MGAM2: variants seen among roughly 807,000 people sequenced by gnomAD.
The protein encoded by MGAM2 is probable maltase-glucoamylase 2.
MGAM2 carries 98 observed loss-of-function variants against 96.1 expected under a neutral mutation model. The observed-to-expected ratio is 1.02, with a 90% CI of 0.87 to 1.21. MGAM2 has a LOEUF of 1.21. MGAM2 is among the 50% of genes most tolerant of loss of function. MGAM2 has a pLI of 0.00. For missense variants in MGAM2, 2,055 were observed against 1,182.4 expected, an observed-to-expected ratio of 1.74 and a Z score of -10.82; for synonymous variants, 749 against 414.8, an observed-to-expected ratio of 1.81 and a Z score of -9.79.
intron 47 of MGAM2, among the ~76,000 whole-genome samples, chr7:142,219,558 C>A (rs1797858498): frequency 6.6e-6 from 1 of 152,112 alleles, no homozygotes; most frequent in Non-Finnish European, 1.5e-5. Flanking sequence ...GGACTAAAAC[C>A]CAATGGCAAA....
At position 142,173,297 on chromosome 7, in the gene MGAM2, G is replaced by A; in HGVS notation, c.3630G>A (p.Gln1210=). Residue 1210 remains glutamine (Q), a synonymous_variant, in exon 31 of 48, where the codon CAG becomes CAA. Coordinates refer to ENST00000477922, the MANE Select transcript of MGAM2 (RefSeq NM_001293626.2). ...TCCATCTGAGTCGCTATGGATACCA[G>A]AATGATGCTGAAATCTCCAGTTTGT... ...LGFHLSRYGY[Q]NDAEISSLYD... is the part of the protein sequence containing the mutation. The A allele has an allele frequency of 1.4e-6, 1 of 703,044 alleles. No individual in the cohort carries two copies. The highest frequency in any genetic ancestry group is 1.5e-5 in the South Asian group (1 of 67,582). The allele number at this position is 703,044 out of a possible 1,614,324, so 43.6% of individuals were successfully genotyped here. A position where few individuals can be genotyped will look rare whatever the true frequency, so the allele number is the denominator to read the frequency against.
In MGAM2 at chr7:142,154,733, G is replaced by T. The variant is rs1445245743; in HGVS notation, c.1811G>T (p.Gly604Val). The T allele has an allele frequency of 1.4e-6, 1 of 702,976 alleles. No individual in the cohort carries two copies. The highest frequency in any genetic ancestry group is 2.6e-6 in the Non-Finnish European group (1 of 384,994). The allele number at this position is 702,976 out of a possible 1,614,324, so 43.5% of individuals were successfully genotyped here. Residue 604 changes from glycine (G) to valine (V), a missense_variant, in exon 17 of 48, where the codon GGT becomes GTT. Gly to Val is a moderately radical substitution (Grantham distance 109, BLOSUM62 -3). Transcript: ENST00000477922. ...EFNLFGIPMV[G>V]ANICGYNNNV... ...GTATGTGTGCTAATTCTCCAGGTAG[G>T]TGCCAACATCTGTGGTTATAACAAC...
At position 142,220,066 on chromosome 7, in the gene MGAM2, C is replaced by G. The variant is rs1380783269; in HGVS notation, c.5555C>G (p.Thr1852Ser). 2 of 702,934 alleles carry G rather than the reference C, an allele frequency of 2.8e-6. No individual in the cohort carries two copies. Among genetic ancestry groups the G allele is most frequent in the Non-Finnish European group, 5.2e-6 (2 of 384,930 alleles). The allele number at this position is 702,934 out of a possible 1,614,324, so 43.5% of individuals were successfully genotyped here. A position where few individuals can be genotyped will look rare whatever the true frequency, so the allele number is the denominator to read the frequency against. Residue 1852 changes from threonine to serine, a missense_variant, in exon 48 of 48, where the codon ACT becomes AGT. By Grantham distance (58) the Thr-to-Ser change is moderately conservative. Transcript: ENST00000477922. ...ITSSASANTT[T>S]GTTDTVPITT... ...AGTTCTGCCAGTGCAAATACTACCA[C>G]TGGCACTACTGATACTGTTCCTATC...
chr7:142,176,551 A>T (rs190645937), intron 32 of MGAM2, among the ~76,000 whole-genome samples: 1 of 152,314 alleles, frequency 6.6e-6, no homozygotes, highest in Admixed American at 6.5e-5. Flanking sequence ...GGAGACAGCC[A>T]ATAAACATCT....
At chr7:142,209,899 G>C (rs1309662026) in intron 46 of MGAM2, among the ~76,000 whole-genome samples, 3 of 152,174 alleles carry the variant, frequency 2.0e-5, no homozygotes, top group Non-Finnish European at 2.9e-5. Context: ...ATTCAAAAAT[G>C]ATTTGTGGGC....
At position 142,143,763 on chromosome 7, in the gene MGAM2, T is replaced by A. The variant is rs1359329682; in HGVS notation, c.1318-6T>A. 1 of 667,858 alleles carries A rather than the reference T, an allele frequency of 1.5e-6. No homozygotes were observed. Among genetic ancestry groups the A allele is most frequent in the Non-Finnish European group, 2.7e-6 (1 of 363,806 alleles). 41.4% of individuals were successfully genotyped at this position (667,858 alleles called of 1,614,324 possible). A position where few individuals can be genotyped will look rare whatever the true frequency, so the allele number is the denominator to read the frequency against. ...CTGATTGCCACTGCCTTCCTCTGTG[T>A]CCTAGGGATATCCGGGACCGACAGT... On this transcript the variant is annotated splice_region_variant and splice_polypyrimidine_tract_variant and intron_variant, in intron 12 of 47. Coordinates refer to ENST00000477922, the MANE Select transcript of MGAM2 (RefSeq NM_001293626.2).
chr7:142,155,846 A>G (rs903761154), intron 17 of MGAM2, among the ~76,000 whole-genome samples: 1 of 152,162 alleles, frequency 6.6e-6, no homozygotes, highest in Non-Finnish European at 1.5e-5. Context: ...GTCAGTTTAA[A>G]TTTGAAAAGT....
intron 45 of MGAM2, chr7:142,208,327 C>A: frequency 1.8e-5 from 11 of 617,280 alleles, no homozygotes; most frequent in South Asian, 1.7e-4. Context: ...CTTTGTTCAA[C>A]CCAGATTCTC....
chr7:142,151,820 C>T (rs1240117987), intron 15 of MGAM2, among the ~76,000 whole-genome samples: 1 of 152,190 alleles, frequency 6.6e-6, no homozygotes, highest in Non-Finnish European at 1.5e-5. Context: ...GGCATAATGG[C>T]CTACGCTCCC....
rs1465945816 is a variant in MGAM2, at chr7:142,132,284, T to A, written c.575+199T>A. On this transcript the variant is annotated intron_variant, in intron 6 of 47. Coordinates refer to ENST00000477922, the MANE Select transcript of MGAM2 (RefSeq NM_001293626.2). The stretch of plus-strand genomic sequence containing the variant: ...AACAGAGAATACTAAAAGGTAATAC[T>A]AAAATGTTTGCTAAGTTATATAATT... Among the ~76,000 whole-genome samples the A allele has an allele frequency of 6.7e-5, 10 of 149,028 alleles. No homozygotes were observed. In the Admixed American group the frequency reaches 6.8e-4, roughly 10 times the overall value.
chr7:142,132,929 C>T (rs563685346), intron 6 of MGAM2, among the ~76,000 whole-genome samples: 208 of 127,606 alleles, frequency 1.6e-3, no homozygotes, highest in Middle Eastern at 0.012. Context: ...CATATTTATA[C>T]GTTAAATATA....
At chr7:142,163,088 A>G (rs562707948) in intron 23 of MGAM2, among the ~76,000 whole-genome samples, 10 of 152,174 alleles carry the variant, frequency 6.6e-5, no homozygotes, top group African/African-American at 1.4e-4. Flanking sequence ...TTCCCTCAAA[A>G]CCCATCCAAG....
At chr7:142,126,936 T>A (rs1258594952) in intron 3 of MGAM2, among the ~76,000 whole-genome samples, 1 of 152,198 alleles carries the variant, frequency 6.6e-6, no homozygotes, top group Non-Finnish European at 1.5e-5. Flanking sequence ...CATGCTTATA[T>A]GTATGCACTT....
intron 15 of MGAM2, among the ~76,000 whole-genome samples, chr7:142,149,826 C>T (rs751719171): frequency 6.6e-6 from 1 of 152,192 alleles, no homozygotes; most frequent in Non-Finnish European, 1.5e-5. Flanking sequence ...CAGGCGTGAG[C>T]CACCGCGCCC....
At chr7:142,140,546 G>T (rs1795189953) in intron 10 of MGAM2, among the ~76,000 whole-genome samples, 1 of 152,140 alleles carries the variant, frequency 6.6e-6, no homozygotes, top group African/African-American at 2.4e-5. Flanking sequence ...TGAACAAGAT[G>T]CAATTCCTGC....
intron 3 of MGAM2, among the ~76,000 whole-genome samples, chr7:142,128,452 A>T (rs1794787874): frequency 6.6e-6 from 1 of 152,226 alleles, no homozygotes; most frequent in Admixed American, 6.5e-5. Context: ...CAACGGGAAA[A>T]ATGGCTCCAG....
chr7:142,125,355 T>A (rs968500607), intron 3 of MGAM2, among the ~76,000 whole-genome samples: 1 of 152,160 alleles, frequency 6.6e-6, no homozygotes, highest in African/African-American at 2.4e-5. Flanking sequence ...AAAACTGAAG[T>A]AGGGATGTTA....
chr7:142,219,560 A>G (rs1797858557), intron 47 of MGAM2, among the ~76,000 whole-genome samples: 1 of 152,196 alleles, frequency 6.6e-6, no homozygotes, highest in Non-Finnish European at 1.5e-5. Context: ...ACTAAAACCC[A>G]ATGGCAAAGC....
chr7:142,132,762 A>G (rs1396085913), intron 6 of MGAM2, among the ~76,000 whole-genome samples: 1 of 125,612 alleles, frequency 8.0e-6, no homozygotes, highest in African/African-American at 3.2e-5. Context: ...TATATAATAT[A>G]TAATTATATA....
Sources: allele counts gnomAD v4.1 joint callset (sites outside exome capture counted in the v4.1 genomes callset), GRCh38; gene constraint gnomAD v4.1.1; transcripts MANE v1.5; gene names NCBI Gene and HGNC (gene_info 2026-07-23, HGNC 2026-07-21).